The following EEF1AKMT1 variants were observed in gnomAD, a reference collection of about 807,000 sequenced individuals.
The protein encoded by EEF1AKMT1 is N-6 adenine-specific DNA methyltransferase 2 (putative).
EEF1AKMT1 carries 18 observed loss-of-function variants against 21.0 expected under a neutral mutation model. That is an observed-to-expected ratio of 0.86 (90% confidence interval 0.59 to 1.27). The LOEUF is 1.27. Ranked by LOEUF, EEF1AKMT1 falls within the 50% of genes most tolerant of loss-of-function variation. The pLI, the probability that EEF1AKMT1 is intolerant of heterozygous loss-of-function variation, is 0.00. For missense variants in EEF1AKMT1, 246 were observed against 258.6 expected, an observed-to-expected ratio of 0.95 and a Z score of 0.33; for synonymous variants, 109 against 94.8, an observed-to-expected ratio of 1.15 and a Z score of -0.87.
chr13:20,748,720 T>G (rs1163875531), intron 2 of EEF1AKMT1, among the ~76,000 whole-genome samples: 9 of 91,730 alleles, frequency 9.8e-5, no homozygotes, highest in Admixed American at 2.7e-4. Context: ...TAGTTGTTTT[T>G]TTTTGGTTTT....
At chr13:20,752,830 GT>G (rs545848845) in intron 2 of EEF1AKMT1, among the ~76,000 whole-genome samples, 2 of 149,636 alleles carry the variant, frequency 1.3e-5, no homozygotes, top group African/African-American at 2.5e-5. Context: ...TTTGTCTTTT[GT>G]TTTTTTTTCT....
chr13:20,763,596 G>C (rs1326254127), intron 1 of EEF1AKMT1, among the ~76,000 whole-genome samples: 2 of 151,978 alleles, frequency 1.3e-5, no homozygotes, highest in Non-Finnish European at 2.9e-5. Flanking sequence ...GGGATTACAG[G>C]TGCCTACCAC....
rs7988520 is a variant in EEF1AKMT1, at chr13:20,753,777, T to A, written c.144+3678A>T. ...TCCTTGTGCATGGAATATCTTTTTT[T>A]TTCCATCCCTTTACTTTCAGTCTGT... On this transcript the variant is annotated intron_variant, in intron 2 of 4. Transcript: ENST00000382758. Among the ~76,000 whole-genome samples, 860 of 152,294 alleles carry A rather than the reference T, an allele frequency of 5.6e-3. 7 individuals are homozygous for A. The highest frequency in any genetic ancestry group is 0.019 in the African/African-American group (783 of 41,570).
intron 2 of EEF1AKMT1, among the ~76,000 whole-genome samples, chr13:20,756,378 C>T (rs1407853702): frequency 6.6e-6 from 1 of 152,158 alleles, no homozygotes; most frequent in Non-Finnish European, 1.5e-5. Flanking sequence ...TTGAAATATA[C>T]ATTATACACC....
chr13:20,760,790 G>C (rs895009896), intron 1 of EEF1AKMT1, among the ~76,000 whole-genome samples: 1 of 152,174 alleles, frequency 6.6e-6, no homozygotes, highest in Non-Finnish European at 1.5e-5. Context: ...CTGATGAGAA[G>C]GTAGTGATAT....
At chr13:20,769,550 C>T (rs961060235) in intron 1 of EEF1AKMT1, among the ~76,000 whole-genome samples, 1 of 152,178 alleles carries the variant, frequency 6.6e-6, no homozygotes, top group African/African-American at 2.4e-5. Context: ...AGCCATTACA[C>T]ATTCCCAGGG....
At chr13:20,749,892 G>A (rs2141426182) in intron 2 of EEF1AKMT1, among the ~76,000 whole-genome samples, 1 of 152,282 alleles carries the variant, frequency 6.6e-6, no homozygotes, top group East Asian at 1.9e-4. Flanking sequence ...GATGTTCTTT[G>A]TCATCTGTAT....
intron 2 of EEF1AKMT1, among the ~76,000 whole-genome samples, chr13:20,738,686 A>C (rs117599609): frequency 1.3e-5 from 2 of 152,220 alleles, no homozygotes; most frequent in African/African-American, 4.8e-5. Flanking sequence ...TGCTACATGG[A>C]TGAGTCTTGG....
chr13:20,767,305 C>CAAA (rs61703956), intron 1 of EEF1AKMT1, among the ~76,000 whole-genome samples: 31 of 40,330 alleles, frequency 7.7e-4, no homozygotes, highest in African/African-American at 1.1e-3. Flanking sequence ...GATTCTGTCT[C>CAAA]AAAAAAAAAA....
intron 3 of EEF1AKMT1, among the ~76,000 whole-genome samples, chr13:20,733,384 G>A (rs1327471321): frequency 1.3e-5 from 2 of 152,098 alleles, no homozygotes; most frequent in Non-Finnish European, 2.9e-5. Context: ...GTGAGCCACC[G>A]TGCCTGGCCA....
chr13:20,770,804 T>C (rs968523493), intron 1 of EEF1AKMT1, among the ~76,000 whole-genome samples: 3 of 152,176 alleles, frequency 2.0e-5, no homozygotes, highest in African/African-American at 4.8e-5. Context: ...TGTTTGTGTG[T>C]GTATATGAGT....
rs747096067 is a variant in EEF1AKMT1, at chr13:20,731,937, C to T, written c.412G>A (p.Val138Ile). Residue 138 changes from valine (V) to isoleucine (I), a missense_variant, in exon 4 of 5, where the codon GTA becomes ATA. Physicochemically the swap from Val to Ile is conservative, Grantham distance 29. Coordinates refer to ENST00000382758, the MANE Select transcript of EEF1AKMT1 (RefSeq NM_001318939.2). Reference protein sequence around the residue: ...ERIAAHSFDIVIADPPYLSEE... With the variant: ...ERIAAHSFDIIIADPPYLSEE... The stretch of plus-strand genomic sequence containing the variant: ...GAAAGATAGGGAGGATCTGCTATTA[C>T]GATGTCAAAACTATGTGCAGCAATT... 6 of 1,614,050 alleles carry T rather than the reference C, an allele frequency of 3.7e-6. No homozygotes were observed. Among genetic ancestry groups the T allele is most frequent in the African/African-American group, 2.7e-5 (2 of 74,914 alleles).
chr13:20,770,508 C>T (rs1487599908), intron 1 of EEF1AKMT1, among the ~76,000 whole-genome samples: 2 of 152,124 alleles, frequency 1.3e-5, no homozygotes, highest in African/African-American at 4.8e-5. Context: ...AGCACAAAAA[C>T]ACATTTTCAG....
In EEF1AKMT1 at chr13:20,739,330, G is replaced by A. The variant is rs149811419; in HGVS notation, c.145-1525C>T. Among the ~76,000 whole-genome samples, 28 of 152,308 alleles carry A rather than the reference G, an allele frequency of 1.8e-4. No homozygotes were observed. In the East Asian group the frequency reaches 2.7e-3, roughly 15 times the overall value. ...CAAAAGAACAAACCTTCCACAGCAT[G>A]GAAGGCAACCCAAGAGGGTTGCCGC... On this transcript the variant is annotated intron_variant, in intron 2 of 4. Coordinates refer to ENST00000382758, the MANE Select transcript of EEF1AKMT1 (RefSeq NM_001318939.2).
chr13:20,754,160 C>A (rs1453144126), intron 2 of EEF1AKMT1, among the ~76,000 whole-genome samples: 1 of 152,080 alleles, frequency 6.6e-6, no homozygotes, highest in Non-Finnish European at 1.5e-5. Context: ...CAGGGCTGGT[C>A]TAGAGGTGAT....
chr13:20,748,206 G>A (rs1171147440), intron 2 of EEF1AKMT1: 2 of 152,496 alleles, frequency 1.3e-5, no homozygotes, highest in African/African-American at 4.8e-5. Flanking sequence ...GGAGGCCGAG[G>A]CGGGCGGACC....
chr13:20,747,040 T>C (rs1832308580), intron 2 of EEF1AKMT1: 1 of 154,302 alleles, frequency 6.5e-6, no homozygotes, highest in South Asian at 2.1e-4. Context: ...ATAATAAATG[T>C]TGCACTGCTG....
chr13:20,752,211 G>C lies in EEF1AKMT1; in HGVS notation c.144+5244C>G, dbSNP rs145610910. ...AAATAGCAGTGGTGGAAGTGGGCAT[G>C]CTTATCTTATTCCTGATCTTAGAGG... On this transcript the variant is annotated intron_variant, in intron 2 of 4. Coordinates refer to ENST00000382758, the MANE Select transcript of EEF1AKMT1 (RefSeq NM_001318939.2). Among the ~76,000 whole-genome samples, 146 of 152,118 alleles carry C rather than the reference G, an allele frequency of 9.6e-4. No homozygotes were observed. The Middle Eastern group carries it at 0.01, about 11-fold the overall frequency.
chr13:20,753,418 T>G (rs1282267763), intron 2 of EEF1AKMT1, among the ~76,000 whole-genome samples: 1 of 152,216 alleles, frequency 6.6e-6, no homozygotes, highest in Admixed American at 6.5e-5. Flanking sequence ...AGCTGTTGGA[T>G]GCTATGTTCT....
Sources: allele counts gnomAD v4.1 joint callset (sites outside exome capture counted in the v4.1 genomes callset), GRCh38; gene constraint gnomAD v4.1.1; transcripts MANE v1.5; gene names NCBI Gene and HGNC (gene_info 2026-07-23, HGNC 2026-07-21).